The following SYN3 variants were observed in gnomAD, a reference collection of about 807,000 sequenced individuals.
SYN3 encodes synapsin-3.
A neutral mutation model predicts 65.8 loss-of-function variants in SYN3; 35 were observed. The observed-to-expected ratio is 0.53, with a 90% CI of 0.41 to 0.70. SYN3 has a LOEUF of 0.70. Ranked by LOEUF, SYN3 falls within the 30% of genes least tolerant of loss-of-function variation. SYN3 has a pLI of 0.00. For synonymous variants in SYN3, 270 were observed against 292.9 expected, an observed-to-expected ratio of 0.92 and a Z score of 0.80; for missense variants, 680 against 749.0, an observed-to-expected ratio of 0.91 and a Z score of 1.08.
intron 4 of SYN3, among the ~76,000 whole-genome samples, chr22:32,895,245 C>T (rs1404081232): frequency 6.6e-6 from 1 of 152,202 alleles, no homozygotes; most frequent in East Asian, 1.9e-4. Context: ...AAAACTAGGA[C>T]ATCAGTCTCC....
At chr22:32,803,478 G>A (rs1263278429) in intron 6 of SYN3, among the ~76,000 whole-genome samples, 1 of 152,128 alleles carries the variant, frequency 6.6e-6, no homozygotes, top group East Asian at 1.9e-4. Flanking sequence ...TGTGTGACCT[G>A]AGGTCACCCT....
intron 6 of SYN3, among the ~76,000 whole-genome samples, chr22:32,632,380 A>G (rs1308921262): frequency 1.3e-5 from 2 of 152,006 alleles, no homozygotes; most frequent in African/African-American, 4.8e-5. Context: ...CTTGTATGGG[A>G]TCTTGGGCAA....
chr22:32,938,124 G>A (rs886186683), intron 3 of SYN3, among the ~76,000 whole-genome samples: 5 of 152,036 alleles, frequency 3.3e-5, no homozygotes, highest in African/African-American at 9.7e-5. Flanking sequence ...GCCAAAGGGG[G>A]GAAAATACAT....
chr22:32,876,005 C>G (rs2048972289), intron 4 of SYN3, among the ~76,000 whole-genome samples: 1 of 152,190 alleles, frequency 6.6e-6, no homozygotes. Context: ...CCATGCATGG[C>G]CCCATTCCCC....
chr22:32,745,965 G>C (rs996988517), intron 6 of SYN3, among the ~76,000 whole-genome samples: 1 of 152,198 alleles, frequency 6.6e-6, no homozygotes, highest in Non-Finnish European at 1.5e-5. Context: ...CAAGGAAACA[G>C]TTACTCCTAA....
chr22:32,639,175 G>C (rs772224989), intron 6 of SYN3, among the ~76,000 whole-genome samples: 2 of 152,042 alleles, frequency 1.3e-5, no homozygotes, highest in African/African-American at 2.4e-5. Context: ...GAATGGTCTC[G>C]ATCTCCTGAC....
intron 4 of SYN3, among the ~76,000 whole-genome samples, chr22:32,926,733 T>C (rs1260319934): frequency 6.6e-6 from 1 of 152,232 alleles, no homozygotes; most frequent in Non-Finnish European, 1.5e-5. Context: ...GTGCATTTAG[T>C]CCATTTACAT....
chr22:32,656,721 G>T (rs1228189274), intron 6 of SYN3, among the ~76,000 whole-genome samples: 2 of 152,178 alleles, frequency 1.3e-5, no homozygotes, highest in African/African-American at 2.4e-5. Context: ...TTGTTTTTTT[G>T]TTTGTTTTTT....
At chr22:32,706,905 G>A (rs1319215590) in intron 6 of SYN3, among the ~76,000 whole-genome samples, 1 of 151,940 alleles carries the variant, frequency 6.6e-6, no homozygotes, top group Admixed American at 6.6e-5. Flanking sequence ...CTGGCCCCTG[G>A]AATTCCCTAG....
chr22:32,571,628 T>C (rs1189480369), intron 7 of SYN3, among the ~76,000 whole-genome samples: 1 of 152,206 alleles, frequency 6.6e-6, no homozygotes, highest in Non-Finnish European at 1.5e-5. Context: ...AAAGTCATAA[T>C]TAAAAAATAA....
chr22:32,844,052 C>T (rs1319432203), intron 6 of SYN3, among the ~76,000 whole-genome samples: 1 of 152,088 alleles, frequency 6.6e-6, no homozygotes, highest in Non-Finnish European at 1.5e-5. Context: ...ACCTGGACTC[C>T]TAAGTTAGTA....
intron 4 of SYN3, among the ~76,000 whole-genome samples, chr22:32,890,331 T>C (rs1001268146): frequency 6.6e-6 from 1 of 152,034 alleles, no homozygotes; most frequent in African/African-American, 2.4e-5. Context: ...CACCATAGCC[T>C]CCCCAAATGC....
rs9621611 is a variant in SYN3 at position 32,976,841 on chromosome 22, G to A, written c.369+3804C>T. Among the ~76,000 whole-genome samples, 574 of 152,258 alleles carry A rather than the reference G, an allele frequency of 3.8e-3. 2 individuals carry two copies. Among genetic ancestry groups the A allele is most frequent in the Middle Eastern group, 0.017 (5 of 294 alleles). Reference sequence around the variant, plus strand: ...TAGGCCAACCACAACTAACTCATTCGCTCTGTCCAGCAAAACCCAGACAGT... The same window carrying A: ...TAGGCCAACCACAACTAACTCATTCACTCTGTCCAGCAAAACCCAGACAGT... On this transcript the variant is annotated intron_variant, in intron 3 of 13. Transcript: ENST00000358763.
At chr22:32,769,250 C>T (rs2045705029) in intron 6 of SYN3, among the ~76,000 whole-genome samples, 1 of 151,700 alleles carries the variant, frequency 6.6e-6, no homozygotes, top group South Asian at 2.1e-4. Flanking sequence ...ATTCTGCTCT[C>T]TCTTTCATTC....
At chr22:33,046,841 TAAAAAAAAAAAAA>T (rs71187229) in intron 1 of SYN3, among the ~76,000 whole-genome samples, 2 of 92,766 alleles carry the variant, frequency 2.2e-5, no homozygotes, top group African/African-American at 4.2e-5. Flanking sequence ...AGTCTCTGTT[TAAAAAAAAAAAAA>T]AAAAAAAAAA....
At chr22:32,936,236 TACA>T (rs2050772459) in intron 3 of SYN3, among the ~76,000 whole-genome samples, 1 of 152,146 alleles carries the variant, frequency 6.6e-6, no homozygotes, top group African/African-American at 2.4e-5. Context: ...CAAACTGCAT[TACA>T]TATCAGTTTT....
intron 7 of SYN3, among the ~76,000 whole-genome samples, chr22:32,593,800 G>A (rs540893905): frequency 5.3e-5 from 8 of 152,296 alleles, no homozygotes; most frequent in East Asian, 1.9e-4. Context: ...CTGAAGCTGA[G>A]GTAGCTGACA....
chr22:32,807,373 T>TATATAATATATATAAC (rs2046782675), intron 6 of SYN3, among the ~76,000 whole-genome samples: 3 of 112,196 alleles, frequency 2.7e-5, no homozygotes, highest in Non-Finnish European at 5.1e-5. Flanking sequence ...ATATATATTA[T>TATATAATATATATAAC]ATATAATATA....
intron 3 of SYN3, among the ~76,000 whole-genome samples, chr22:32,973,330 G>A (rs934672415): frequency 4.6e-5 from 7 of 152,178 alleles, no homozygotes; most frequent in African/African-American, 1.4e-4. Flanking sequence ...GAACTAGATT[G>A]GTGCGGGCAG....
Sources: allele counts gnomAD v4.1 joint callset (sites outside exome capture counted in the v4.1 genomes callset), GRCh38; gene constraint gnomAD v4.1.1; transcripts MANE v1.5; gene names NCBI Gene and HGNC (gene_info 2026-07-23, HGNC 2026-07-21).